CHD7: variants seen among roughly 807,000 people sequenced by gnomAD.
CHD7 encodes the protein chromodomain helicase DNA binding protein 7.
Under a neutral mutation model 307.3 loss-of-function variants are expected in CHD7, and 24 were observed. The ratio of observed to expected loss-of-function variants is 0.08; its 90% confidence interval spans 0.06 to 0.11. The LOEUF (loss-of-function observed/expected upper bound fraction) is 0.11. Ranked by LOEUF, CHD7 falls within the 10% of genes least tolerant of loss-of-function variation. The probability of loss-of-function intolerance (pLI) is 1.00; values close to 1 mark genes in which losing one functional copy is unlikely to be tolerated. For synonymous variants in CHD7, 1,363 were observed against 1,349.9 expected (o/e 1.01, Z -0.21); for missense variants, 3,106 against 3,727.1 (o/e 0.83, Z 4.34).
chr8:60,758,909 A>G (rs1810025413), intron 2 of CHD7, among the ~76,000 whole-genome samples: 1 of 152,212 alleles, frequency 6.6e-6, no homozygotes, highest in Non-Finnish European at 1.5e-5. Context: ...GAGTTGGCTT[A>G]CTTTTTTTCC....
intron 2 of CHD7, among the ~76,000 whole-genome samples, chr8:60,779,666 T>C (rs1298603815): frequency 6.6e-6 from 1 of 152,230 alleles, no homozygotes; most frequent in African/African-American, 2.4e-5. Context: ...ACCTTCCTCC[T>C]TTTCTCGTAG....
At chr8:60,862,911 G>A (rs1210100493) in intron 37 of CHD7, 1 of 431,036 alleles carries the variant, frequency 2.3e-6, no homozygotes, top group Non-Finnish European at 4.2e-6. Flanking sequence ...TCTCCAGGGG[G>A]GATTGCCCCA....
At chr8:60,861,799 GT>G (rs902278307) in intron 35 of CHD7, 1 of 157,478 alleles carries the variant, frequency 6.4e-6, no homozygotes, top group African/African-American at 2.4e-5. Flanking sequence ...AGATCTGTCT[GT>G]TTGTTGGTTA....
intron 1 of CHD7, among the ~76,000 whole-genome samples, chr8:60,709,367 G>A (rs1807171590): frequency 6.6e-6 from 1 of 152,124 alleles, no homozygotes; most frequent in Non-Finnish European, 1.5e-5. Flanking sequence ...AATCACCAAC[G>A]TTTATTCACT....
At chr8:60,730,814 C>T (rs567212531) in intron 1 of CHD7, among the ~76,000 whole-genome samples, 16 of 151,758 alleles carry the variant, frequency 1.1e-4, no homozygotes, top group Admixed American at 5.9e-4. Context: ...TAGCTGAGAT[C>T]GCGCCACTGC....
chr8:60,836,273 A>G lies in CHD7; in HGVS notation c.3979A>G (p.Ile1327Val), dbSNP rs1242697341. Residue 1327 changes from isoleucine (I) to valine (V), a missense_variant, in exon 16 of 38, where the codon ATT (isoleucine) becomes GTT (valine). Transcript: ENST00000423902. ...CTTGGACATACTGGAAGACTACCTC[A>G]TTCAAAGACGGTGAGGACCACCATA... is the stretch of plus-strand genomic sequence containing the variant. ...RCLDILEDYL[I>V]QRRYPYERID... is the part of the protein sequence containing the mutation. 1.1e-5 allele frequency: 17 copies of G among 1,613,498 alleles called. No individual in the cohort carries two copies. The highest frequency in any genetic ancestry group is 1.4e-5 in the Non-Finnish European group (17 of 1,179,498).
In CHD7 at chr8:60,822,672, G is replaced by A. The variant is rs1385327274; in HGVS notation, c.3127G>A (p.Val1043Met). The A allele has an allele frequency of 5.6e-6, 9 of 1,613,828 alleles. No individual in the cohort carries two copies. The highest frequency in any genetic ancestry group is 1.1e-5 in the South Asian group (1 of 91,076). ...ATTCCGAACCTGGACAGAGTTGAAC[G>A]TGGTTGTGTATCATGGGAGTCAAGC... ...REFRTWTELN[V>M]VVYHGSQASR... Residue 1043 changes from valine to methionine, a missense_variant, in exon 12 of 38, where the codon GTG becomes ATG. Coordinates refer to ENST00000423902, the MANE Select transcript of CHD7 (RefSeq NM_017780.4).
chr8:60,812,480 T>C (rs1023792196), intron 7 of CHD7, among the ~76,000 whole-genome samples: 2 of 151,988 alleles, frequency 1.3e-5, no homozygotes, highest in African/African-American at 2.4e-5. Context: ...CTGGCCAACA[T>C]AGCGAAACCC....
At chr8:60,718,630 G>T (rs1807737944) in intron 1 of CHD7, among the ~76,000 whole-genome samples, 1 of 152,064 alleles carries the variant, frequency 6.6e-6, no homozygotes, top group Non-Finnish European at 1.5e-5. Flanking sequence ...AAAGTCAAAA[G>T]GTTAAAGTCT....
intron 1 of CHD7, among the ~76,000 whole-genome samples, chr8:60,720,563 A>C (rs1238829602): frequency 1.3e-5 from 2 of 152,070 alleles, no homozygotes. Flanking sequence ...CCTCTGCACC[A>C]TTGTGCTGTT....
intron 7 of CHD7, among the ~76,000 whole-genome samples, chr8:60,812,964 A>G (rs1188170577): frequency 6.6e-6 from 1 of 152,084 alleles, no homozygotes; most frequent in African/African-American, 2.4e-5. Flanking sequence ...GCCCCATATA[A>G]ATGCCTGTTT....
chr8:60,790,293 C>T (rs935001921), intron 3 of CHD7, among the ~76,000 whole-genome samples: 2 of 152,080 alleles, frequency 1.3e-5, no homozygotes, highest in Non-Finnish European at 2.9e-5. Context: ...TCTCTAGCCT[C>T]GTGAGTGGAT....
chr8:60,742,367 G>A lies in CHD7; in HGVS notation c.935G>A (p.Arg312Gln), dbSNP rs955811265. ...ATAAACAACTCAGGGCAGTATTCTCGATATCCTTACAGTAACCTAAATCAG... is the reference window on the plus strand; with the variant it reads ...ATAAACAACTCAGGGCAGTATTCTCAATATCCTTACAGTAACCTAAATCAG... ...PTINNSGQYS[R>Q]YPYSNLNQGL... is the part of the protein sequence containing the mutation. The change falls in exon 2 of 38, where the codon CGA becomes CAA. Residue 312 changes from arginine (R) to glutamine (Q), a missense_variant. Arg to Gln is a conservative substitution (Grantham distance 43). Coordinates refer to ENST00000423902, the MANE Select transcript of CHD7 (RefSeq NM_017780.4). The A allele has an allele frequency of 3.1e-6, 5 of 1,613,922 alleles. No individual in the cohort carries two copies. Among genetic ancestry groups the A allele is most frequent in the East Asian group, 4.5e-5 (2 of 44,884 alleles).
At chr8:60,726,707 C>G (rs1352066299) in intron 1 of CHD7, among the ~76,000 whole-genome samples, 1 of 152,146 alleles carries the variant, frequency 6.6e-6, no homozygotes, top group Non-Finnish European at 1.5e-5. Flanking sequence ...CAGTCTCAGA[C>G]CTTCAGTGGG....
At chr8:60,834,011 G>T (rs1028608729) in intron 15 of CHD7, among the ~76,000 whole-genome samples, 6 of 152,188 alleles carry the variant, frequency 3.9e-5, no homozygotes, top group Non-Finnish European at 7.3e-5. Flanking sequence ...ATTCATAACA[G>T]AGAGCTGAAT....
At chr8:60,854,074 G>A (rs1441304504) in intron 31 of CHD7, among the ~76,000 whole-genome samples, 2 of 152,196 alleles carry the variant, frequency 1.3e-5, no homozygotes, top group Non-Finnish European at 2.9e-5. Flanking sequence ...TTGAGTCAAT[G>A]ACTTGGTTGG....
At chr8:60,852,400 A>G in intron 29 of CHD7, 98 bp from the exon 30 acceptor site, 1 of 1,322,612 alleles carries the variant, frequency 7.6e-7, no homozygotes, top group Non-Finnish European at 1.0e-6. Flanking sequence ...CCCCCAAATA[A>G]CTACCATGTA....
chr8:60,780,194 G>A (rs563199116), intron 2 of CHD7, among the ~76,000 whole-genome samples: 17 of 152,236 alleles, frequency 1.1e-4, no homozygotes, highest in African/African-American at 4.1e-4. Flanking sequence ...TCTGATCTTG[G>A]CTGACCACTC....
At chr8:60,686,722 G>A (rs1420233938) in intron 1 of CHD7, among the ~76,000 whole-genome samples, 2 of 152,018 alleles carry the variant, frequency 1.3e-5, no homozygotes, top group East Asian at 3.9e-4. Context: ...ACATGTGTTA[G>A]GTTGGACACA....
Sources: allele counts gnomAD v4.1 joint callset (sites outside exome capture counted in the v4.1 genomes callset), GRCh38; gene constraint gnomAD v4.1.1; transcripts MANE v1.5; gene names NCBI Gene and HGNC (gene_info 2026-07-23, HGNC 2026-07-21).